The following UBE3C variants were observed in gnomAD, a reference collection of about 807,000 sequenced individuals.
UBE3C encodes the protein ubiquitin-protein ligase E3C.
In UBE3C, 42 loss-of-function variants were observed where a neutral mutation model predicts 129.4. That is an observed-to-expected ratio of 0.32 (90% CI 0.25 to 0.42). The LOEUF (loss-of-function observed/expected upper bound fraction) is 0.42. Among genes scored for constraint, UBE3C ranks in the 10% least tolerant of loss-of-function variants. The probability of loss-of-function intolerance (pLI) is 1.00; values close to 1 mark genes in which losing one functional copy is unlikely to be tolerated. For missense variants in UBE3C, 1,049 were observed against 1,319.1 expected (o/e 0.80, Z 3.17); for synonymous variants, 510 against 492.4 (o/e 1.04, Z -0.47).
intron 18 of UBE3C, among the ~76,000 whole-genome samples, chr7:157,241,935 T>C (rs1796340291): frequency 6.6e-6 from 1 of 152,154 alleles, no homozygotes; most frequent in Admixed American, 6.5e-5. Flanking sequence ...GTTCCATTTA[T>C]ATGAAATGTC....
At chr7:157,239,729 A>G (rs1796251582) in intron 18 of UBE3C, among the ~76,000 whole-genome samples, 1 of 152,202 alleles carries the variant, frequency 6.6e-6, no homozygotes, top group Non-Finnish European at 1.5e-5. Context: ...TGCTGCTGGA[A>G]ATAAGTCAGT....
chr7:157,202,920 G>T (rs1005377384), intron 11 of UBE3C, among the ~76,000 whole-genome samples: 1 of 152,178 alleles, frequency 6.6e-6, no homozygotes. Context: ...TTAGAAGAAA[G>T]AATTTTTGGT....
intron 10 of UBE3C, chr7:157,192,536 T>C (rs1808998085): frequency 1.3e-6 from 1 of 763,774 alleles, no homozygotes; most frequent in African/African-American, 1.7e-5. Context: ...ATGTACTGTC[T>C]GACTACAACA....
chr7:157,184,195 T>C (rs1250396280), intron 9 of UBE3C, among the ~76,000 whole-genome samples, 166 bp downstream of exon 9: 1 of 152,182 alleles, frequency 6.6e-6, no homozygotes, highest in Non-Finnish European at 1.5e-5. Flanking sequence ...GATGGGAAAG[T>C]CTCTCCCACC....
intron 17 of UBE3C, among the ~76,000 whole-genome samples, chr7:157,227,985 G>A (rs545744772): frequency 3.9e-5 from 6 of 152,324 alleles, no homozygotes; most frequent in African/African-American, 1.4e-4. Context: ...GTTTTGCTAC[G>A]CAAATTAGTA....
chr7:157,176,739 G>A (rs1277446698), intron 5 of UBE3C, among the ~76,000 whole-genome samples: 1 of 152,106 alleles, frequency 6.6e-6, no homozygotes, highest in South Asian at 2.1e-4. Context: ...TTCTTGGCTT[G>A]GCCTCATTTG....
In UBE3C at chr7:157,149,003, C is replaced by T. The variant is rs180928132; in HGVS notation, c.66+9665C>T. ...CCTTCGAATACAGTTATGCTGTATC[C>T]TTTACATGTAGGAGCAAAAGACTGT... On this transcript the variant is annotated intron_variant, in intron 1 of 22. Transcript: ENST00000348165. 7.6e-4 allele frequency among the ~76,000 whole-genome samples: 116 copies of T among 152,210 alleles called. 1 individual carries two copies. Among genetic ancestry groups the T allele is most frequent in the African/African-American group, 2.6e-3 (108 of 41,540 alleles).
intron 18 of UBE3C, 32 bp downstream of exon 18, chr7:157,231,359 G>T: frequency 6.2e-7 from 1 of 1,603,864 alleles, no homozygotes; most frequent in Non-Finnish European, 8.5e-7. Context: ...AATAGACCTC[G>T]GACCAAAAGA....
At chr7:157,151,312 A>C (rs1807751507) in intron 1 of UBE3C, among the ~76,000 whole-genome samples, 1 of 152,232 alleles carries the variant, frequency 6.6e-6, no homozygotes. Context: ...TACCTTCTGT[A>C]TCAGTAGTTA....
chr7:157,258,313 C>A (rs993402307), intron 22 of UBE3C, among the ~76,000 whole-genome samples: 4 of 152,154 alleles, frequency 2.6e-5, no homozygotes, highest in African/African-American at 7.2e-5. Flanking sequence ...GTAGTCCCAG[C>A]TACTCTTGAG....
intron 1 of UBE3C, among the ~76,000 whole-genome samples, chr7:157,144,736 TCAAG>T (rs1290339267): frequency 6.6e-6 from 1 of 152,126 alleles, no homozygotes; most frequent in African/African-American, 2.4e-5. Flanking sequence ...AGGTTTACAA[TCAAG>T]CAGAGGGTAG....
At chr7:157,261,230 C>T (rs1007236753) in intron 22 of UBE3C, among the ~76,000 whole-genome samples, 6 of 140,292 alleles carry the variant, frequency 4.3e-5, no homozygotes, top group East Asian at 2.3e-4. Flanking sequence ...GGCTTGAACC[C>T]GGAAGGTGGA....
Position 157,262,628 on chromosome 7 carries a change from C to T in UBE3C, c.3082-4957C>T, listed in dbSNP as rs950941774. Reference sequence around the variant, plus strand: ...TAGAGGCAGGATTTCACCATGTTGGCCAGGCTGGTCTCGAACTCCTGACCT... The same window carrying T: ...TAGAGGCAGGATTTCACCATGTTGGTCAGGCTGGTCTCGAACTCCTGACCT... On this transcript the variant is annotated intron_variant, in intron 22 of 22. Coordinates refer to ENST00000348165, the MANE Select transcript of UBE3C (RefSeq NM_014671.3). Among the ~76,000 whole-genome samples, 3 of 151,902 alleles carry T rather than the reference C, an allele frequency of 2.0e-5. No individual in the cohort carries two copies. In the East Asian group the frequency reaches 5.8e-4, roughly 29 times the overall value.
intron 13 of UBE3C, among the ~76,000 whole-genome samples, 167 bp downstream of exon 13, chr7:157,208,102 A>C (rs1563056619): frequency 1.2e-5 from 1 of 83,992 alleles, no homozygotes. Flanking sequence ...TGATACATGG[A>C]CTTGATGTGT....
Position 157,268,312 on chromosome 7 carries a change from G to C in UBE3C, c.*557G>C, listed in dbSNP as rs1249624953. On this transcript the variant is annotated 3_prime_UTR_variant, in exon 23 of 23. Transcript: ENST00000348165. ...AGATGATGATGGTAATATTTTATTT[G>C]TGCTTTTTAAGCCATTTCCCCAAAT... is the stretch of plus-strand genomic sequence containing the variant. 6.6e-6 allele frequency: 1 copy of C among 152,580 alleles called. No homozygotes were observed. The highest frequency in any genetic ancestry group is 1.9e-4 in the East Asian group (1 of 5,202). 9.5% of individuals were successfully genotyped at this position (152,580 alleles called of 1,614,324 possible).
intron 1 of UBE3C, among the ~76,000 whole-genome samples, chr7:157,155,430 G>T (rs188093969): frequency 0.014 from 2,062 of 151,964 alleles, 21 homozygotes; most frequent in Non-Finnish European, 0.019. Context: ...GTTTTTTGGG[G>T]TTTTTTTTAA....
intron 22 of UBE3C, among the ~76,000 whole-genome samples, chr7:157,260,365 G>A (rs963977426): frequency 6.6e-6 from 1 of 152,238 alleles, no homozygotes; most frequent in African/African-American, 2.4e-5. Context: ...GAAGGGTTTA[G>A]TGGCACGTCC....
intron 11 of UBE3C, among the ~76,000 whole-genome samples, chr7:157,202,654 CAAAAA>C (rs930672124): frequency 6.7e-6 from 1 of 149,856 alleles, no homozygotes; most frequent in Non-Finnish European, 1.5e-5. Flanking sequence ...GACTTCCTCT[CAAAAA>C]AAAAGAAAAA....
chr7:157,208,944 G>A (rs1296474412), intron 13 of UBE3C, among the ~76,000 whole-genome samples: 1 of 152,222 alleles, frequency 6.6e-6, no homozygotes, highest in Non-Finnish European at 1.5e-5. Context: ...TTTAATACCA[G>A]CGACCTCTCG....
Sources: allele counts gnomAD v4.1 joint callset (sites outside exome capture counted in the v4.1 genomes callset), GRCh38; gene constraint gnomAD v4.1.1; transcripts MANE v1.5; gene names NCBI Gene and HGNC (gene_info 2026-07-23, HGNC 2026-07-21).